CNTN3: variants seen among roughly 807,000 people sequenced by gnomAD.
CNTN3 encodes contactin-3.
CNTN3 carries 60 observed loss-of-function variants against 119.1 expected under a neutral mutation model. The observed-to-expected ratio is 0.50, with a 90% CI of 0.41 to 0.62. The LOEUF is 0.62. Ranked by LOEUF, CNTN3 falls within the 20% of genes least tolerant of loss-of-function variation. CNTN3 has a pLI of 0.00. For synonymous variants in CNTN3, 450 were observed against 438.7 expected (o/e 1.03, Z -0.32); for missense variants, 1,101 against 1,242.4 (o/e 0.89, Z 1.71).
chr3:74,492,689 G>T (rs188246298), intron 3 of CNTN3, among the ~76,000 whole-genome samples: 2 of 152,156 alleles, frequency 1.3e-5, no homozygotes, highest in East Asian at 3.9e-4. Flanking sequence ...AAACATCAGT[G>T]GCTGAGGGTA....
intron 19 of CNTN3, among the ~76,000 whole-genome samples, chr3:74,291,156 T>C (rs1702223429): frequency 6.6e-6 from 1 of 152,150 alleles, no homozygotes; most frequent in Non-Finnish European, 1.5e-5. Flanking sequence ...GGTGTTTGAT[T>C]TTCTGTCCTT....
rs534039565 is a variant in CNTN3, at chr3:74,477,857, T to TA, written c.358+8598dup. 3.2e-4 allele frequency among the ~76,000 whole-genome samples: 48 copies of TA among 149,954 alleles called. No homozygotes were observed. The South Asian group carries it at 5.9e-3, about 19-fold the overall frequency. On this transcript the variant is annotated intron_variant, in intron 4 of 22. Coordinates refer to ENST00000263665, the MANE Select transcript of CNTN3 (RefSeq NM_020872.3). ...ACAACAATTAAAAATTTAAAAAAAT[T>TA]AAAAAAAAACACAGATCTCAAAGAA...
At chr3:74,281,667 T>C (rs908354146) in intron 20 of CNTN3, among the ~76,000 whole-genome samples, 1 of 152,124 alleles carries the variant, frequency 6.6e-6, no homozygotes, top group Non-Finnish European at 1.5e-5. Context: ...AAATTCTTGA[T>C]AAATCTAAAA....
intron 4 of CNTN3, among the ~76,000 whole-genome samples, chr3:74,483,550 G>A (rs1221422919): frequency 1.3e-5 from 2 of 152,022 alleles, no homozygotes; most frequent in African/African-American, 4.8e-5. Flanking sequence ...GTCTCCCTCT[G>A]GGACAAGGAC....
chr3:74,560,076 G>A (rs1049353549), intron 1 of CNTN3, among the ~76,000 whole-genome samples: 21 of 152,028 alleles, frequency 1.4e-4, no homozygotes, highest in Admixed American at 3.3e-4. Flanking sequence ...GTCAATATAC[G>A]GTATCAGTCC....
At chr3:74,582,570 A>G (rs932699295) in intron 1 of CNTN3, among the ~76,000 whole-genome samples, 1 of 152,182 alleles carries the variant, frequency 6.6e-6, no homozygotes, top group Non-Finnish European at 1.5e-5. Flanking sequence ...AGATCTATAC[A>G]TGATAAATTA....
At chr3:74,477,812 T>C (rs1269780878) in intron 4 of CNTN3, among the ~76,000 whole-genome samples, 2 of 151,914 alleles carry the variant, frequency 1.3e-5, no homozygotes, top group African/African-American at 2.4e-5. Flanking sequence ...CCCATGAATA[T>C]ATACACCTAC....
intron 13 of CNTN3, among the ~76,000 whole-genome samples, chr3:74,322,598 A>G (rs530357769): frequency 1.3e-5 from 2 of 152,322 alleles, no homozygotes; most frequent in East Asian, 3.9e-4. Flanking sequence ...TTCTTACAAA[A>G]TTAAACATAC....
intron 2 of CNTN3, among the ~76,000 whole-genome samples, chr3:74,504,009 C>T (rs997046144): frequency 5.9e-5 from 9 of 151,998 alleles, no homozygotes; most frequent in African/African-American, 1.7e-4. Flanking sequence ...AAACCGCAGA[C>T]GATCAATTCT....
In CNTN3 at chr3:74,285,406, C is replaced by T; in HGVS notation, c.2603G>A (p.Gly868Asp). ...AGNETSARLR[G>D]LKSNLAYYTA... ...GTAATAGGCCAGGTTGCTCTTCAGG[C>T]CCCGTAGTCTGGCTGATGTCTCATT... The change falls in exon 20 of 23, where the codon GGC (glycine) becomes GAC (aspartate). Residue 868 changes from glycine (G) to aspartate (D), a missense_variant. Gly to Asp is a moderately conservative substitution (Grantham distance 94). Transcript: ENST00000263665. 1 of 1,613,592 alleles carries T rather than the reference C, an allele frequency of 6.2e-7. No individual in the cohort carries two copies. Among genetic ancestry groups the T allele is most frequent in the Non-Finnish European group, 8.5e-7 (1 of 1,179,800 alleles).
intron 1 of CNTN3, among the ~76,000 whole-genome samples, chr3:74,589,177 A>G (rs1165235302): frequency 5.9e-5 from 9 of 152,042 alleles, no homozygotes; most frequent in Non-Finnish European, 1.2e-4. Flanking sequence ...GCAACCTACA[A>G]AATGGGAGAA....
chr3:74,341,400 C>T (rs1156624636), intron 11 of CNTN3, among the ~76,000 whole-genome samples: 4 of 151,868 alleles, frequency 2.6e-5, no homozygotes, highest in African/African-American at 4.9e-5. Context: ...ATGTAGATAA[C>T]GATGAGTGAC....
At chr3:74,566,501 T>C (rs1403062391) in intron 1 of CNTN3, among the ~76,000 whole-genome samples, 2 of 152,190 alleles carry the variant, frequency 1.3e-5, no homozygotes, top group Non-Finnish European at 2.9e-5. Context: ...TTGCTTCTTC[T>C]AGCTTCTAGT....
intron 1 of CNTN3, among the ~76,000 whole-genome samples, chr3:74,561,365 T>C (rs10222582): frequency 0.99 from 150,331 of 152,208 alleles, 74,251 homozygotes; most frequent in Middle Eastern, 1. Context: ...GAAATAAAAT[T>C]CTGCCTGCAA....
chr3:74,513,230 A>G (rs1703399185), intron 2 of CNTN3, among the ~76,000 whole-genome samples: 1 of 152,146 alleles, frequency 6.6e-6, no homozygotes. Context: ...CCCAGGATTC[A>G]CGTGCTTTTG....
At chr3:74,442,398 A>G (rs754140350) in intron 4 of CNTN3, among the ~76,000 whole-genome samples, 1 of 152,044 alleles carries the variant, frequency 6.6e-6, no homozygotes, top group African/African-American at 2.4e-5. Flanking sequence ...TTATCGAATA[A>G]TAGCCTATTT....
intron 4 of CNTN3, among the ~76,000 whole-genome samples, chr3:74,432,499 T>TA (rs1019153333): frequency 1.3e-5 from 2 of 152,120 alleles, no homozygotes; most frequent in Admixed American, 6.5e-5. Context: ...AAGCTTGCTA[T>TA]AAAAAAGAAT....
At chr3:74,536,913 C>A (rs577711469) in intron 1 of CNTN3, among the ~76,000 whole-genome samples, 17 of 152,082 alleles carry the variant, frequency 1.1e-4, no homozygotes, top group Admixed American at 9.8e-4. Context: ...CACTGAGCTG[C>A]CAGGTGCCTA....
intron 4 of CNTN3, among the ~76,000 whole-genome samples, chr3:74,434,162 G>A (rs541590936): frequency 5.6e-4 from 85 of 152,316 alleles, no homozygotes; most frequent in Non-Finnish European, 1.0e-3. Context: ...ATCCAGGCCT[G>A]CAGATCTATA....
Sources: gnomAD v4.1 joint callset for allele counts (sites outside exome capture counted in the v4.1 genomes callset) on GRCh38, gnomAD v4.1.1 for gene constraint, MANE v1.5 for transcripts, NCBI Gene and HGNC (gene_info 2026-07-23, HGNC 2026-07-21) for gene names.